Variants in PTK2 observed in about 807,000 individuals in gnomAD.
PTK2 encodes the protein protein tyrosine kinase 2, also known as focal adhesion kinase 1.
A neutral mutation model predicts 150.1 loss-of-function variants in PTK2; 45 were observed. That is an observed-to-expected ratio of 0.30 (90% CI 0.24 to 0.38). The LOEUF (loss-of-function observed/expected upper bound fraction) is 0.38. Among genes scored for constraint, PTK2 ranks in the 10% least tolerant of loss-of-function variants. The pLI is 1.00. For synonymous variants in PTK2, 432 were observed against 449.2 expected (o/e 0.96, Z 0.48); for missense variants, 919 against 1,307.3 (o/e 0.70, Z 4.58).
chr8:140,742,060 C>T (rs1409060413), intron 20 of PTK2, among the ~76,000 whole-genome samples: 4 of 152,110 alleles, frequency 2.6e-5, no homozygotes, highest in African/African-American at 9.7e-5. Context: ...TGCTTGAGCT[C>T]AGGAGGTCGA....
intron 14 of PTK2, among the ~76,000 whole-genome samples, chr8:140,773,925 C>G (rs927731174): frequency 1.3e-5 from 2 of 152,082 alleles, no homozygotes; most frequent in African/African-American, 4.8e-5. Context: ...ATGACTGAAG[C>G]CCCATACTCC....
rs1057511216 is a variant in PTK2, at chr8:140,827,454, A to G, written c.648+3018T>C. On this transcript the variant is annotated intron_variant, in intron 8 of 31. Coordinates refer to ENST00000522684, the Ensembl canonical transcript of PTK2. Reference sequence around the variant, plus strand: ...AAAAAAGCACATGGGCATCAGCAGCAAAGGCCAGGGCAATGGAAGCCTAAA... The same window carrying G: ...AAAAAAGCACATGGGCATCAGCAGCGAAGGCCAGGGCAATGGAAGCCTAAA... 3.3e-5 allele frequency among the ~76,000 whole-genome samples: 5 copies of G among 152,198 alleles called. No homozygotes were observed. The South Asian group carries it at 1.0e-3, about 31-fold the overall frequency.
intron 7 of PTK2, among the ~76,000 whole-genome samples, chr8:140,842,670 G>C (rs1280932485): frequency 1.3e-5 from 2 of 152,082 alleles, no homozygotes; most frequent in African/African-American, 4.8e-5. Flanking sequence ...CTTATATGGA[G>C]ATAGGGTGCT....
At chr8:140,660,575 A>T (rs377548225) in intron 31 of PTK2, 1 of 453,410 alleles carries the variant, frequency 2.2e-6, no homozygotes, top group East Asian at 7.0e-5. Context: ...AAATACAAAA[A>T]GTTAGCTGAG....
intron 1 of PTK2, among the ~76,000 whole-genome samples, chr8:140,986,182 T>C (rs1387410962): frequency 6.6e-6 from 1 of 152,202 alleles, no homozygotes; most frequent in Admixed American, 6.5e-5. Context: ...GCACTTGAAA[T>C]GGGACTAGTG....
intron 1 of PTK2, among the ~76,000 whole-genome samples, chr8:140,985,261 C>G (rs1234665474): frequency 1.3e-5 from 2 of 152,166 alleles, no homozygotes; most frequent in East Asian, 3.9e-4. Flanking sequence ...GTACCTGGGA[C>G]TACAGGTATG....
At chr8:140,822,400 A>T (rs1016930953) in intron 8 of PTK2, 4 of 152,026 alleles carry the variant, frequency 2.6e-5, no homozygotes, top group African/African-American at 9.7e-5. Flanking sequence ...AAAAAATGAT[A>T]CCAGAAAAGA....
At chr8:140,858,875 C>A (rs79857102) in intron 5 of PTK2, among the ~76,000 whole-genome samples, 2,935 of 152,164 alleles carry the variant, frequency 0.019, 100 homozygotes, top group African/African-American at 0.066. Context: ...CAATTAGTAT[C>A]AAATGAGCCA....
At chr8:140,880,907 T>TA (rs1181466345) in intron 3 of PTK2, among the ~76,000 whole-genome samples, 1 of 152,182 alleles carries the variant, frequency 6.6e-6, no homozygotes, top group Non-Finnish European at 1.5e-5. Flanking sequence ...AATGAAGTGG[T>TA]AGAGTCAATC....
intron 5 of PTK2, among the ~76,000 whole-genome samples, chr8:140,849,776 T>C (rs968573104): frequency 2.6e-5 from 4 of 152,234 alleles, no homozygotes; most frequent in Non-Finnish European, 4.4e-5. Context: ...AGTTTATTAG[T>C]CCTATTATAT....
At chr8:140,887,150 G>A (rs980690043) in intron 3 of PTK2, among the ~76,000 whole-genome samples, 2 of 152,182 alleles carry the variant, frequency 1.3e-5, no homozygotes, top group African/African-American at 2.4e-5. Context: ...GACTGACAAG[G>A]TGTACCTGAT....
intron 23 of PTK2, among the ~76,000 whole-genome samples, chr8:140,715,728 G>T (rs1294689192): frequency 6.6e-6 from 1 of 151,804 alleles, no homozygotes; most frequent in Non-Finnish European, 1.5e-5. Flanking sequence ...TGTGTAGAGT[G>T]CAGCAATCTG....
chr8:140,735,888 A>G (rs1419790897), intron 21 of PTK2, among the ~76,000 whole-genome samples: 1 of 152,244 alleles, frequency 6.6e-6, no homozygotes, highest in Non-Finnish European at 1.5e-5. Flanking sequence ...TGGAAAACTC[A>G]GATTCCTTAA....
intron 8 of PTK2, among the ~76,000 whole-genome samples, chr8:140,824,651 G>A (rs1329049439): frequency 2.6e-5 from 4 of 152,164 alleles, no homozygotes; most frequent in Admixed American, 6.5e-5. Flanking sequence ...CAGTTTTTAC[G>A]AAAAGGATAT....
chr8:140,979,030 T>C (rs1393937681), intron 1 of PTK2, among the ~76,000 whole-genome samples: 3 of 146,296 alleles, frequency 2.1e-5, no homozygotes, highest in Admixed American at 7.1e-5. Context: ...AAACACCCCA[T>C]GTTCTCACTC....
At chr8:140,871,006 A>C (rs991261307) in intron 4 of PTK2, among the ~76,000 whole-genome samples, 4 of 152,172 alleles carry the variant, frequency 2.6e-5, no homozygotes, top group Non-Finnish European at 4.4e-5. Flanking sequence ...TAGTGGGTAG[A>C]AGCCATACAA....
At chr8:140,924,902 C>CA (rs2100168893) in intron 2 of PTK2, among the ~76,000 whole-genome samples, 1 of 152,066 alleles carries the variant, frequency 6.6e-6, no homozygotes, top group African/African-American at 2.4e-5. Context: ...ATTAGGGTTG[C>CA]AAAAAATGTT....
At chr8:140,770,761 G>T (rs764927374) in intron 14 of PTK2, 63 of 1,354,720 alleles carry the variant, frequency 4.7e-5, no homozygotes, top group Non-Finnish European at 5.9e-5. Context: ...GGGAGAAAGC[G>T]CCTAGCTTTC....
In PTK2 at chr8:140,744,737, T is replaced by A; in HGVS notation, c.1549A>T (p.Ser517Cys). The change falls in exon 19 of 32, where the codon AGT becomes TGT. Residue 517 changes from serine (S) to cysteine (C), a missense_variant. Ser to Cys is a moderately radical substitution (Grantham distance 112). This residue lies in a region of PTK2 where 555 missense variants were observed against 880.1 expected (regional missense o/e 0.63). Transcript: ENST00000522684. ...AGGATCAAAGATGCTAGATCCAAAC[T>A]GTATTTCCTTACTTGCAAAAATGAC... 1 of 1,603,254 alleles carries A rather than the reference T, an allele frequency of 6.2e-7. No homozygotes were observed. Among genetic ancestry groups the A allele is most frequent in the Non-Finnish European group, 8.5e-7 (1 of 1,174,810 alleles).
Sources: allele counts gnomAD v4.1 joint callset (sites outside exome capture counted in the v4.1 genomes callset), GRCh38; gene constraint gnomAD v4.1.1; regional missense constraint gnomAD v4.1.1; transcripts MANE v1.5; gene names NCBI Gene and HGNC (gene_info 2026-07-23, HGNC 2026-07-21).